ABCA1: variants seen among roughly 807,000 people sequenced by gnomAD.
ABCA1 encodes the protein phospholipid-transporting ATPase ABCA1.
In ABCA1, 133 loss-of-function variants were observed where a neutral mutation model predicts 262.5. That is an observed-to-expected ratio of 0.51 (90% CI 0.44 to 0.59). The LOEUF (loss-of-function observed/expected upper bound fraction) is 0.59. Among genes scored for constraint, ABCA1 ranks in the 20% least tolerant of loss-of-function variants. The pLI is 0.00. For missense variants in ABCA1, 2,452 were observed against 2,777.5 expected (o/e 0.88, Z 2.63); for synonymous variants, 1,022 against 1,043.5 (o/e 0.98, Z 0.40).
chr9:104,924,742 C>T (rs1842334423), intron 1 of ABCA1, among the ~76,000 whole-genome samples: 1 of 152,044 alleles, frequency 6.6e-6, no homozygotes, highest in Admixed American at 6.6e-5. Flanking sequence ...GTAATGTTCA[C>T]TTATTCTAGC....
chr9:104,825,666 T>C lies in ABCA1; in HGVS notation c.2542+17A>G. 6.2e-7 allele frequency: 1 copy of C among 1,613,300 alleles called. No individual in the cohort carries two copies. On this transcript the variant is annotated intron_variant, in intron 17 of 49. Coordinates refer to ENST00000374736, the MANE Select transcript of ABCA1 (RefSeq NM_005502.4). ...CTAGAAGTCATATTTTCCAAACAGATGCCCAAAGCAGTGTACCTGGAAAGA... is the reference window on the plus strand; with the variant it reads ...CTAGAAGTCATATTTTCCAAACAGACGCCCAAAGCAGTGTACCTGGAAAGA...
At chr9:104,805,301 C>T (rs1262847375) in intron 31 of ABCA1, among the ~76,000 whole-genome samples, 1 of 152,132 alleles carries the variant, frequency 6.6e-6, no homozygotes, top group Non-Finnish European at 1.5e-5. Context: ...TTTCGAACTC[C>T]TGACCTTAGG....
intron 7 of ABCA1, among the ~76,000 whole-genome samples, chr9:104,853,441 G>A (rs1226291606): frequency 5.9e-5 from 9 of 152,188 alleles, no homozygotes; most frequent in African/African-American, 2.2e-4. Context: ...AAACTGGAAC[G>A]AGGACAGCTC....
intron 7 of ABCA1, among the ~76,000 whole-genome samples, chr9:104,852,874 G>A (rs978316286): frequency 2.0e-5 from 3 of 152,174 alleles, no homozygotes; most frequent in Admixed American, 6.5e-5. Flanking sequence ...CCACACAGAC[G>A]CTTTAAGGAC....
Position 104,830,944 on chromosome 9 carries a change from G to A in ABCA1, c.1873C>T (p.Pro625Ser). The A allele has an allele frequency of 6.2e-7, 1 of 1,613,716 alleles. No individual in the cohort carries two copies. Among genetic ancestry groups the A allele is most frequent in the Non-Finnish European group, 8.5e-7 (1 of 1,179,938 alleles). The change falls in exon 14 of 50, where the codon CCC becomes TCC. Residue 625 changes from proline to serine, a missense_variant. By Grantham distance (74) the Pro-to-Ser change is moderately conservative. Transcript: ENST00000374736. ...ACTTACATGTCATCAACGTAACAGG[G>A]ATAGGGCATCTGTTGCATATAGACA... ...TGVYMQQMPY[P>S]CYVDDIFLRV...
At chr9:104,786,228 A>T in intron 48 of ABCA1, 70 bp downstream of exon 48, 3 of 1,278,792 alleles carry the variant, frequency 2.3e-6, no homozygotes, top group Non-Finnish European at 3.4e-6. Context: ...GGCACCATTT[A>T]TATACTCACA....
At position 104,809,547 on chromosome 9, in the gene ABCA1, T is replaced by C; in HGVS notation, c.4193A>G (p.Asp1398Gly). 1 of 1,614,188 alleles carries C rather than the reference T, an allele frequency of 6.2e-7. No homozygotes were observed. Among genetic ancestry groups the C allele is most frequent in the Non-Finnish European group, 8.5e-7 (1 of 1,180,022 alleles). ...GTTTAAGAGTTCCAGGGTTCCCGTGTCCTCAGGAGCATCATTGCTGTGGGT... is the reference window on the plus strand; with the variant it reads ...GTTTAAGAGTTCCAGGGTTCCCGTGCCCTCAGGAGCATCATTGCTGTGGGT... ...YTFVSNDAPEDTGTLELLNAL... is the reference protein window; with the variant it reads ...YTFVSNDAPEGTGTLELLNAL... The change falls in exon 30 of 50, where the codon GAC becomes GGC. Residue 1398 changes from aspartate to glycine, a missense_variant. By Grantham distance (94) the Asp-to-Gly change is moderately conservative (BLOSUM62 -1). This residue lies in a region of ABCA1 where 665 missense variants were observed against 727.3 expected (regional missense o/e 0.91). Coordinates refer to ENST00000374736, the MANE Select transcript of ABCA1 (RefSeq NM_005502.4).
intron 2 of ABCA1, among the ~76,000 whole-genome samples, chr9:104,900,785 C>T (rs1053454247): frequency 2.6e-5 from 4 of 152,216 alleles, no homozygotes; most frequent in African/African-American, 9.6e-5. Flanking sequence ...CAGATCTTTC[C>T]AACTCTAACA....
chr9:104,787,074 T>A, intron 46 of ABCA1, 98 bp from the exon 47 acceptor site: 3 of 972,932 alleles, frequency 3.1e-6, no homozygotes, highest in Non-Finnish European at 4.7e-6. Context: ...ACAGCTTAAA[T>A]TTTAACTTGC....
At chr9:104,831,535 T>A (rs1833322486) in intron 13 of ABCA1, 87 bp downstream of exon 13, 1 of 1,124,032 alleles carries the variant, frequency 8.9e-7, no homozygotes, top group East Asian at 2.6e-5. Flanking sequence ...ACCAAATTTT[T>A]AGTTAAAATA....
Position 104,782,700 on chromosome 9 carries a change from T to G in ABCA1, c.*1615A>C, listed in dbSNP as rs1199012286. 1.3e-5 allele frequency: 2 copies of G among 152,216 alleles called. No individual in the cohort carries two copies. Among genetic ancestry groups the G allele is most frequent in the South Asian group, 4.1e-4 (2 of 4,834 alleles). The allele number at this position is 152,216 out of a possible 1,614,324, so 9.4% of individuals were successfully genotyped here. On this transcript the variant is annotated 3_prime_UTR_variant, in exon 50 of 50. Transcript: ENST00000374736. ...CAGATTTAATGGGGTATCCAATATC[T>G]GCAAAGCCAATTATTTGAAGGTACT... is the stretch of plus-strand genomic sequence containing the variant.
chr9:104,864,315 G>A (rs561247090), intron 5 of ABCA1, among the ~76,000 whole-genome samples: 1 of 151,972 alleles, frequency 6.6e-6, no homozygotes, highest in Non-Finnish European at 1.5e-5. Flanking sequence ...CACACCCCAG[G>A]AGTGAACAGG....
intron 31 of ABCA1, among the ~76,000 whole-genome samples, chr9:104,805,608 C>G (rs960586959): frequency 6.6e-6 from 1 of 152,172 alleles, no homozygotes; most frequent in African/African-American, 2.4e-5. Flanking sequence ...TCTGGTCCAG[C>G]CTCCCTAATT....
intron 39 of ABCA1, 151 bp from the exon 40 acceptor site, chr9:104,794,661 T>A (rs1323761073): frequency 6.0e-6 from 5 of 832,330 alleles, no homozygotes; most frequent in African/African-American, 1.7e-5. Context: ...ACCTTTTAAT[T>A]CAGATACCAA....
rs570484170 is a variant in ABCA1, at chr9:104,804,818, C to T, written c.4465-98G>A. ...ACAGTGACCATGTCCACAGTGTGACCGGAAACCTGACTACAGGTCCCAGAC... is the reference window on the plus strand; with the variant it reads ...ACAGTGACCATGTCCACAGTGTGACTGGAAACCTGACTACAGGTCCCAGAC... On this transcript the variant is annotated intron_variant, in intron 31 of 49. Coordinates refer to ENST00000374736, the MANE Select transcript of ABCA1 (RefSeq NM_005502.4). 1.1e-4 allele frequency: 118 copies of T among 1,064,704 alleles called. No homozygotes were observed. In the African/African-American group the frequency reaches 1.3e-3, roughly 11 times the overall value. 66.0% of individuals were successfully genotyped at this position (1,064,704 alleles called of 1,614,324 possible).
In ABCA1 at chr9:104,836,973, C is replaced by T; in HGVS notation, c.1311+7G>A. ...AGGCACATGGTAATAATGGGAGGGA[C>T]ACTCACCCGGACAAGGTCCATTTCT... On this transcript the variant is annotated splice_region_variant and intron_variant, in intron 11 of 49. Coordinates refer to ENST00000374736, the MANE Select transcript of ABCA1 (RefSeq NM_005502.4). 1 of 1,608,350 alleles carries T rather than the reference C, an allele frequency of 6.2e-7. No individual in the cohort carries two copies. The highest frequency in any genetic ancestry group is 1.1e-5 in the South Asian group (1 of 90,954).
chr9:104,896,512 T>C (rs1021971919), intron 2 of ABCA1, among the ~76,000 whole-genome samples: 1 of 151,952 alleles, frequency 6.6e-6, no homozygotes, highest in Non-Finnish European at 1.5e-5. Flanking sequence ...GATAAGGTAA[T>C]AACATTCAAT....
Position 104,819,604 on chromosome 9 carries a change from G to A in ABCA1, c.3223C>T (p.Leu1075=). 1 of 1,614,168 alleles carries A rather than the reference G, an allele frequency of 6.2e-7. No homozygotes were observed. Among genetic ancestry groups the A allele is most frequent in the African/African-American group, 1.3e-5 (1 of 75,040 alleles). Reference sequence around the variant, plus strand: ...CAGGCACCTTGTCGGTATTTCAGCAGCAGCTCCCATATTCCCCTGCGGGAG... The same window carrying A: ...CAGGCACCTTGTCGGTATTTCAGCAACAGCTCCCATATTCCCCTGCGGGAG... The part of the protein sequence containing the change: ...PYSRRGIWEL[L]LKYRQGRTII... The change falls in exon 22 of 50, where the codon CTG becomes TTG. Residue 1075 remains leucine, a synonymous_variant. Coordinates refer to ENST00000374736, the MANE Select transcript of ABCA1 (RefSeq NM_005502.4).
chr9:104,906,635 A>C (rs1175767993), intron 1 of ABCA1, among the ~76,000 whole-genome samples: 2 of 151,994 alleles, frequency 1.3e-5, no homozygotes, highest in African/African-American at 4.8e-5. Context: ...TACTGGGAGC[A>C]ATTCTGTCCT....
Sources: allele counts gnomAD v4.1 joint callset (sites outside exome capture counted in the v4.1 genomes callset), GRCh38; gene constraint gnomAD v4.1.1; regional missense constraint gnomAD v4.1.1; transcripts MANE v1.5; gene names NCBI Gene and HGNC (gene_info 2026-07-23, HGNC 2026-07-21).